LDLRAD3: variants seen among roughly 807,000 people sequenced by gnomAD.
The protein encoded by LDLRAD3 is low-density lipoprotein receptor class A domain-containing protein 3.
Under a neutral mutation model 29.4 loss-of-function variants are expected in LDLRAD3, and 20 were observed. The observed-to-expected ratio is 0.68, with a 90% CI of 0.48 to 0.99. The LOEUF (loss-of-function observed/expected upper bound fraction) is 0.99. LDLRAD3 is among the 50% of genes least tolerant of loss of function. The pLI is 0.00. For missense variants in LDLRAD3, 420 were observed against 454.3 expected (o/e 0.92, Z 0.69); for synonymous variants, 157 against 192.7 (o/e 0.81, Z 1.53).
chr11:36,210,741 A>G (rs1198733438), intron 4 of LDLRAD3, among the ~76,000 whole-genome samples: 2 of 152,200 alleles, frequency 1.3e-5, no homozygotes, highest in African/African-American at 4.8e-5. Context: ...TCAACCACCC[A>G]GGGAGGTGGT....
chr11:36,197,004 T>C (rs1349259734), intron 4 of LDLRAD3: 1 of 152,192 alleles, frequency 6.6e-6, no homozygotes, highest in Non-Finnish European at 1.5e-5. Context: ...TATCAAGTTA[T>C]AGAAACTTGA....
intron 1 of LDLRAD3, among the ~76,000 whole-genome samples, chr11:35,974,738 C>T (rs1793441921): frequency 6.6e-6 from 1 of 152,174 alleles, no homozygotes; most frequent in African/African-American, 2.4e-5. Context: ...AGGACTCCAG[C>T]ATGATGGGAG....
intron 4 of LDLRAD3, among the ~76,000 whole-genome samples, chr11:36,145,252 T>G (rs1344933664): frequency 4.7e-4 from 15 of 32,248 alleles, no homozygotes; most frequent in Admixed American, 7.8e-4. Flanking sequence ...GGGAGGGAAG[T>G]GGGGGGGGGT....
chr11:36,175,492 GT>G (rs1854661984), intron 4 of LDLRAD3, among the ~76,000 whole-genome samples: 1 of 152,108 alleles, frequency 6.6e-6, no homozygotes, highest in South Asian at 2.1e-4. Context: ...GTATCCCAGA[GT>G]TTTTGGTAGG....
rs539994647 is a variant in LDLRAD3, at chr11:36,051,794, A to C, written c.193+15545A>C. Among the ~76,000 whole-genome samples, 3 of 152,304 alleles carry C rather than the reference A, an allele frequency of 2.0e-5. No individual in the cohort carries two copies. The South Asian group carries it at 6.2e-4, about 32-fold the overall frequency. On this transcript the variant is annotated intron_variant, in intron 2 of 5. Transcript: ENST00000315571. Reference sequence around the variant, plus strand: ...AAAAAGAAAAAGAAAAGTGAAACAAACTAAGTTTTGAGTCGTCTCTCGAAT... The same window carrying C: ...AAAAAGAAAAAGAAAAGTGAAACAACCTAAGTTTTGAGTCGTCTCTCGAAT...
In LDLRAD3 at chr11:36,227,381, T is replaced by C; in HGVS notation, c.751T>C (p.Ser251Pro). 1 of 1,610,920 alleles carries C rather than the reference T, an allele frequency of 6.2e-7. No individual in the cohort carries two copies. The change falls in exon 5 of 6, where the codon TCG becomes CCG. Residue 251 changes from serine (S) to proline (P), a missense_variant. By Grantham distance (74) the Ser-to-Pro change is moderately conservative. This residue lies in a region of LDLRAD3 where 140 missense variants were observed against 139.9 expected (regional missense o/e 1.00). Coordinates refer to ENST00000315571, the MANE Select transcript of LDLRAD3 (RefSeq NM_174902.4). Reference sequence around the variant, plus strand: ...GGCCAGCCAGGCGGAGCAGAATGCGTCGGAAGTAGGCTCCCCACCCTCCTA... The same window carrying C: ...GGCCAGCCAGGCGGAGCAGAATGCGCCGGAAGTAGGCTCCCCACCCTCCTA... ...YVASQAEQNA[S>P]EVGSPPSYSE...
chr11:36,128,341 C>T (rs1853872993), intron 4 of LDLRAD3, among the ~76,000 whole-genome samples: 2 of 152,010 alleles, frequency 1.3e-5, no homozygotes, highest in East Asian at 3.9e-4. Context: ...CATTTAACCG[C>T]AATTTCTTCT....
At chr11:36,128,354 C>T (rs780218771) in intron 4 of LDLRAD3, among the ~76,000 whole-genome samples, 3 of 152,012 alleles carry the variant, frequency 2.0e-5, no homozygotes, top group Middle Eastern at 6.8e-3. Flanking sequence ...TTTCTTCTGC[C>T]CAGCCTTGTG....
At chr11:36,051,448 C>T (rs1215740385) in intron 2 of LDLRAD3, among the ~76,000 whole-genome samples, 1 of 152,200 alleles carries the variant, frequency 6.6e-6, no homozygotes, top group Non-Finnish European at 1.5e-5. Context: ...GTTGCCACAT[C>T]TGTAAAATGA....
chr11:36,037,351 G>A (rs1852317417), intron 2 of LDLRAD3, among the ~76,000 whole-genome samples: 1 of 151,940 alleles, frequency 6.6e-6, no homozygotes, highest in African/African-American at 2.4e-5. Flanking sequence ...GTCTTGCTCT[G>A]TCACCCGGGG....
At chr11:36,008,337 C>T (rs941859710) in intron 1 of LDLRAD3, among the ~76,000 whole-genome samples, 2 of 152,032 alleles carry the variant, frequency 1.3e-5, no homozygotes, top group African/African-American at 4.8e-5. Flanking sequence ...TGCAGTTGTA[C>T]CTCAAGGAAA....
intron 4 of LDLRAD3, among the ~76,000 whole-genome samples, chr11:36,116,726 C>T (rs1252434162): frequency 1.3e-5 from 2 of 151,806 alleles, no homozygotes; most frequent in African/African-American, 2.4e-5. Context: ...TTAAAAGCCA[C>T]GTGTAATTCT....
At chr11:36,055,990 CTTTTTTTTTT>C (rs67731567) in intron 2 of LDLRAD3, among the ~76,000 whole-genome samples, 3 of 95,354 alleles carry the variant, frequency 3.1e-5, no homozygotes, top group Admixed American at 2.6e-4. Flanking sequence ...ACAGCTTGCC[CTTTTTTTTTT>C]TTTTTTTTTT....
At chr11:36,044,328 G>A (rs1461284735) in intron 2 of LDLRAD3, among the ~76,000 whole-genome samples, 1 of 152,138 alleles carries the variant, frequency 6.6e-6, no homozygotes, top group East Asian at 1.9e-4. Context: ...CTGTTTCCTG[G>A]TGCAGAGAAG....
rs60816599 is a variant in LDLRAD3 at position 36,134,083 on chromosome 11, A to G, written c.454+35622A>G. ...GGAATGGAGATAAAATCAGAAGGAC[A>G]TCAGACATTTGGATGGGCAACCAGA... On this transcript the variant is annotated intron_variant, in intron 4 of 5. Transcript: ENST00000315571. 4.9e-3 allele frequency among the ~76,000 whole-genome samples: 752 copies of G among 152,276 alleles called. 24 individuals carry two copies. In the East Asian group the frequency reaches 0.071, roughly 14 times the overall value.
chr11:36,168,907 A>T (rs1854555673), intron 4 of LDLRAD3, among the ~76,000 whole-genome samples: 1 of 152,204 alleles, frequency 6.6e-6, no homozygotes. Context: ...CTTCAGACAG[A>T]ACACAGCCCA....
intron 4 of LDLRAD3, among the ~76,000 whole-genome samples, chr11:36,218,168 T>A (rs61881463): frequency 0.067 from 10,204 of 152,248 alleles, 441 homozygotes; most frequent in East Asian, 0.2. Context: ...GAGTTCAAAG[T>A]AAATATGCAT....
intron 1 of LDLRAD3, among the ~76,000 whole-genome samples, chr11:35,995,386 G>T (rs975149311): frequency 3.9e-5 from 6 of 152,198 alleles, no homozygotes; most frequent in African/African-American, 1.4e-4. Context: ...TCTCAACAGT[G>T]TGCTTAAAAT....
chr11:36,087,410 T>G (rs1291140727), intron 3 of LDLRAD3, among the ~76,000 whole-genome samples: 1 of 152,244 alleles, frequency 6.6e-6, no homozygotes, highest in Non-Finnish European at 1.5e-5. Context: ...CTATCTGGGA[T>G]GCACTTCAAG....
Sources: gnomAD v4.1 joint callset for allele counts (sites outside exome capture counted in the v4.1 genomes callset) on GRCh38, gnomAD v4.1.1 for gene constraint, gnomAD v4.1.1 regional missense constraint, MANE v1.5 for transcripts, NCBI Gene and HGNC (gene_info 2026-07-23, HGNC 2026-07-21) for gene names.